The following CPEB1 variants were observed in gnomAD, a reference collection of about 807,000 sequenced individuals.
The protein encoded by CPEB1 is cytoplasmic polyadenylation element-binding protein 1.
In CPEB1, 7 loss-of-function variants were observed where a neutral mutation model predicts 65.8. That is an observed-to-expected ratio of 0.11 (90% CI 0.06 to 0.20). The LOEUF (loss-of-function observed/expected upper bound fraction) is 0.20. CPEB1 is among the 10% of genes least tolerant of loss of function. CPEB1 has a pLI of 1.00. For missense variants in CPEB1, 551 were observed against 712.2 expected, an observed-to-expected ratio of 0.77 and a Z score of 2.58; for synonymous variants, 262 against 260.0, an observed-to-expected ratio of 1.01 and a Z score of -0.08.
chr15:82,589,436 T>C (rs2042047223), intron 3 of CPEB1, among the ~76,000 whole-genome samples: 1 of 152,202 alleles, frequency 6.6e-6, no homozygotes, highest in Non-Finnish European at 1.5e-5. Context: ...TCAGTCTTCA[T>C]ATTGCTGAGT....
At chr15:82,600,773 A>G in intron 3 of CPEB1, among the ~76,000 whole-genome samples, 1 of 152,142 alleles carries the variant, frequency 6.6e-6, no homozygotes, top group Middle Eastern at 3.2e-3. Flanking sequence ...AAGAACAAAG[A>G]AGACTCAGTA....
chr15:82,620,316 T>C lies in CPEB1; in HGVS notation c.271+6877A>G, dbSNP rs568436765. The stretch of plus-strand genomic sequence containing the variant: ...GGCATGTGCCTGTAGTCCCAGCTAC[T>C]TGGGAGGCTGAGGGAGAAGAATCCC... On this transcript the variant is annotated intron_variant, in intron 3 of 12. Coordinates refer to ENST00000684509, the MANE Select transcript of CPEB1 (RefSeq NM_001365242.1). 1.6e-4 allele frequency among the ~76,000 whole-genome samples: 23 copies of C among 143,024 alleles called. 1 individual carries two copies. The South Asian group carries it at 5.3e-3, about 33-fold the overall frequency. The allele number at this position is 143,024 out of a possible 152,430, so 93.8% of individuals were successfully genotyped here.
In CPEB1 at chr15:82,571,394, G is replaced by A. The variant is rs766794382; in HGVS notation, c.410C>T (p.Pro137Leu). The change falls in exon 4 of 13, where the codon CCC becomes CTC. Residue 137 changes from proline (P) to leucine (L), a missense_variant. This residue lies in a region of CPEB1 where 223 missense variants were observed against 228.6 expected (regional missense o/e 0.98). Transcript: ENST00000684509. ...QSLSLTGWDRPWSTQDSDSSA... is the reference protein window; with the variant it reads ...QSLSLTGWDRLWSTQDSDSSA... ...GGAATCTGAGTCCTGGGTGCTCCAG[G>A]GTCGGTCCCAGCCTGTCAGACTGAG... The A allele has an allele frequency of 4.3e-6, 7 of 1,614,010 alleles. No individual in the cohort carries two copies. Among genetic ancestry groups the A allele is most frequent in the Middle Eastern group, 1.6e-4 (1 of 6,084 alleles).
chr15:82,599,250 C>T (rs1035474139), intron 3 of CPEB1, among the ~76,000 whole-genome samples: 1 of 152,176 alleles, frequency 6.6e-6, no homozygotes, highest in African/African-American at 2.4e-5. Context: ...TACTACTCAA[C>T]TGGACACGTT....
At chr15:82,601,201 C>T (rs904938335) in intron 3 of CPEB1, among the ~76,000 whole-genome samples, 47 of 148,254 alleles carry the variant, frequency 3.2e-4, no homozygotes, top group African/African-American at 1.1e-3. Flanking sequence ...AGTCACCGTG[C>T]TTGGGGGTAC....
chr15:82,638,913 T>C (rs1421090930), intron 1 of CPEB1, among the ~76,000 whole-genome samples: 1 of 152,220 alleles, frequency 6.6e-6, no homozygotes, highest in Non-Finnish European at 1.5e-5. Flanking sequence ...TTTAATGGCA[T>C]TGCCCTGATT....
chr15:82,574,695 C>G (rs1012994658), intron 3 of CPEB1, among the ~76,000 whole-genome samples: 1 of 130,108 alleles, frequency 7.7e-6, no homozygotes, highest in African/African-American at 3.1e-5. Context: ...TGCACTCCAG[C>G]CTGGGCAACA....
chr15:82,603,437 C>T, intron 3 of CPEB1, among the ~76,000 whole-genome samples: 1 of 150,864 alleles, frequency 6.6e-6, no homozygotes, highest in Non-Finnish European at 1.5e-5. Flanking sequence ...AGGAACTCAA[C>T]AGGCTAACCA....
At chr15:82,557,672 G>C in intron 5 of CPEB1, 88 bp downstream of exon 5, 2 of 1,089,232 alleles carry the variant, frequency 1.8e-6, no homozygotes, top group South Asian at 1.4e-5. Flanking sequence ...CAGGGGACAG[G>C]CATCCCATAG....
chr15:82,564,794 G>A (rs1326625480), intron 4 of CPEB1, among the ~76,000 whole-genome samples: 1 of 152,142 alleles, frequency 6.6e-6, no homozygotes, highest in African/African-American at 2.4e-5. Flanking sequence ...AGGAGGGGCA[G>A]GGTGGAAATC....
intron 1 of CPEB1, chr15:82,640,750 AAC>A (rs1596146290): frequency 1.3e-5 from 2 of 152,158 alleles, no homozygotes; most frequent in African/African-American, 4.8e-5. Context: ...TTGGGCACAC[AAC>A]AGTCAACTGG....
At chr15:82,613,851 A>G (rs543626553) in intron 3 of CPEB1, among the ~76,000 whole-genome samples, 54 of 151,746 alleles carry the variant, frequency 3.6e-4, no homozygotes, top group Non-Finnish European at 6.9e-4. Context: ...CTGGAACTCT[A>G]CCACCCCGCC....
chr15:82,550,864 G>A (rs961576244), intron 9 of CPEB1, among the ~76,000 whole-genome samples: 3 of 152,062 alleles, frequency 2.0e-5, no homozygotes, highest in Admixed American at 2.0e-4. Flanking sequence ...AGAGAGGAAG[G>A]AGAACTGCAT....
intron 3 of CPEB1, among the ~76,000 whole-genome samples, chr15:82,616,161 G>A (rs2044688218): frequency 6.6e-6 from 1 of 152,040 alleles, no homozygotes; most frequent in Admixed American, 6.6e-5. Context: ...GAGGCGGCAT[G>A]AGGGGTCTTC....
intron 3 of CPEB1, among the ~76,000 whole-genome samples, chr15:82,594,951 G>C (rs1376540674): frequency 1.3e-5 from 2 of 152,270 alleles, no homozygotes; most frequent in East Asian, 1.9e-4. Context: ...ATCTTACATG[G>C]GAATGGTTTG....
intron 3 of CPEB1, chr15:82,571,872 G>GCAGGAGGGGA (rs2040084785): frequency 9.4e-7 from 1 of 1,067,236 alleles, no homozygotes; most frequent in East Asian, 7.1e-5. Flanking sequence ...CGGGGGAGGA[G>GCAGGAGGGGA]CAGGAGGGGA....
chr15:82,616,053 A>C (rs2567632), intron 3 of CPEB1, among the ~76,000 whole-genome samples: 1 of 151,914 alleles, frequency 6.6e-6, no homozygotes, highest in South Asian at 2.1e-4. Flanking sequence ...ATAACTATCA[A>C]TATGTACACA....
At chr15:82,634,834 C>T (rs945399463) in intron 1 of CPEB1, among the ~76,000 whole-genome samples, 7 of 152,114 alleles carry the variant, frequency 4.6e-5, no homozygotes, top group Non-Finnish European at 8.8e-5. Context: ...TCTGCTGAGA[C>T]GTACTCTGGC....
intron 3 of CPEB1, among the ~76,000 whole-genome samples, chr15:82,577,097 C>T (rs1263865053): frequency 6.6e-6 from 1 of 152,116 alleles, no homozygotes; most frequent in Non-Finnish European, 1.5e-5. Context: ...AATCTATAGG[C>T]CCATGGCTTT....
Sources: allele counts gnomAD v4.1 joint callset (sites outside exome capture counted in the v4.1 genomes callset), GRCh38; gene constraint gnomAD v4.1.1; regional missense constraint gnomAD v4.1.1; transcripts MANE v1.5; gene names NCBI Gene and HGNC (gene_info 2026-07-23, HGNC 2026-07-21).